Variants in DPP10 observed in about 807,000 individuals in gnomAD.
DPP10 encodes the protein dipeptidyl peptidase like 10.
A neutral mutation model predicts 120.9 loss-of-function variants in DPP10; 33 were observed. The observed-to-expected ratio is 0.27, with a 90% CI of 0.21 to 0.37. The LOEUF (loss-of-function observed/expected upper bound fraction) is 0.37, where lower values mean the gene tolerates loss of function less well. DPP10 is among the 10% of genes least tolerant of loss of function. The pLI, the probability that DPP10 is intolerant of heterozygous loss-of-function variation, is 1.00. For missense variants in DPP10, 816 were observed against 942.8 expected (o/e 0.87, Z 1.76); for synonymous variants, 337 against 326.1 (o/e 1.03, Z -0.36).
intron 12 of DPP10, among the ~76,000 whole-genome samples, chr2:115,766,277 A>ATT (rs1303441674): frequency 3.2e-5 from 3 of 92,606 alleles, no homozygotes; most frequent in Non-Finnish European, 7.1e-5. Flanking sequence ...AAAAATACTC[A>ATT]TTATATATAT....
At chr2:114,692,566 G>A (rs529449146) in intron 1 of DPP10, among the ~76,000 whole-genome samples, 38 of 152,242 alleles carry the variant, frequency 2.5e-4, no homozygotes, top group South Asian at 1.5e-3. Flanking sequence ...TTGTTTGGGG[G>A]TGGAGAGCTC....
chr2:115,579,844 G>A (rs542869784), intron 5 of DPP10: 3 of 152,248 alleles, frequency 2.0e-5, no homozygotes, highest in African/African-American at 7.2e-5. Flanking sequence ...TTCAGTGTAT[G>A]TATGTACAGG....
chr2:115,451,066 T>C (rs2073069291), intron 3 of DPP10, among the ~76,000 whole-genome samples: 1 of 151,838 alleles, frequency 6.6e-6, no homozygotes, highest in African/African-American at 2.4e-5. Flanking sequence ...AAGCACAAGA[T>C]AGGGATTTCT....
chr2:115,153,918 G>A (rs1159072020), intron 1 of DPP10, among the ~76,000 whole-genome samples: 1 of 151,840 alleles, frequency 6.6e-6, no homozygotes, highest in African/African-American at 2.4e-5. Flanking sequence ...TTATTTTCTT[G>A]CTATATTTGT....
In DPP10 at chr2:115,018,771, C is replaced by G. The variant is rs566398651; in HGVS notation, c.61-290468C>G. On this transcript the variant is annotated intron_variant, in intron 1 of 25. Transcript: ENST00000410059. ...AGAAATACCTAATGTAGATGATGGACTGATGGGTGCAGCAAACCACCATGG... is the reference window on the plus strand; with the variant it reads ...AGAAATACCTAATGTAGATGATGGAGTGATGGGTGCAGCAAACCACCATGG... 2.3e-3 allele frequency among the ~76,000 whole-genome samples: 357 copies of G among 152,200 alleles called. 2 individuals carry two copies. Among genetic ancestry groups the G allele is most frequent in the Non-Finnish European group, 4.2e-3 (285 of 68,006 alleles).
chr2:115,372,218 A>C (rs1171818397), intron 3 of DPP10, among the ~76,000 whole-genome samples: 1 of 152,210 alleles, frequency 6.6e-6, no homozygotes, highest in African/African-American at 2.4e-5. Context: ...AAAGGAGAAC[A>C]ACTTTAAAAA....
intron 1 of DPP10, among the ~76,000 whole-genome samples, chr2:115,154,127 T>C (rs1400941941): frequency 2.0e-5 from 3 of 152,200 alleles, no homozygotes; most frequent in Non-Finnish European, 4.4e-5. Context: ...CTAGAGGAAT[T>C]TAAGCTGTAT....
intron 1 of DPP10, among the ~76,000 whole-genome samples, chr2:115,275,958 C>G (rs538546736): frequency 1.3e-5 from 2 of 152,050 alleles, no homozygotes; most frequent in Admixed American, 6.5e-5. Context: ...GCCTCGGCCT[C>G]CCAAAGTGCT....
intron 3 of DPP10, among the ~76,000 whole-genome samples, chr2:115,488,902 A>G (rs2075930774): frequency 6.8e-6 from 1 of 146,202 alleles, no homozygotes; most frequent in Non-Finnish European, 1.5e-5. Flanking sequence ...AAAAAAAAAT[A>G]TGTATCTCTC....
At chr2:115,143,705 G>A (rs2280193) in intron 1 of DPP10, among the ~76,000 whole-genome samples, 8,423 of 152,220 alleles carry the variant, frequency 0.055, 345 homozygotes, top group East Asian at 0.23. Flanking sequence ...TAGACCTTAG[G>A]TCATTTGTAT....
chr2:114,841,583 G>A (rs1688161771), intron 1 of DPP10, among the ~76,000 whole-genome samples: 1 of 152,060 alleles, frequency 6.6e-6, no homozygotes, highest in Non-Finnish European at 1.5e-5. Context: ...GCCAAGTTAT[G>A]GATTAGAGTG....
intron 1 of DPP10, among the ~76,000 whole-genome samples, chr2:114,629,257 C>T (rs1323136250): frequency 6.6e-6 from 1 of 152,166 alleles, no homozygotes. Flanking sequence ...CAATTGTCAG[C>T]CTGCTTCTCT....
intron 1 of DPP10, among the ~76,000 whole-genome samples, chr2:114,877,849 A>T (rs1210730100): frequency 6.6e-6 from 1 of 151,932 alleles, no homozygotes; most frequent in Non-Finnish European, 1.5e-5. Flanking sequence ...GTTTAGAACC[A>T]TTCCTGGCCT....
chr2:115,815,246 A>G (rs1449992831), intron 20 of DPP10, among the ~76,000 whole-genome samples: 1 of 152,178 alleles, frequency 6.6e-6, no homozygotes, highest in Non-Finnish European at 1.5e-5. Context: ...TAATTATACC[A>G]CTATATTATT....
At chr2:115,472,871 C>G (rs2074823533) in intron 3 of DPP10, among the ~76,000 whole-genome samples, 1 of 152,124 alleles carries the variant, frequency 6.6e-6, no homozygotes, top group Non-Finnish European at 1.5e-5. Flanking sequence ...CTAAAAGATT[C>G]AAAACGCTTG....
intron 3 of DPP10, among the ~76,000 whole-genome samples, chr2:115,424,741 G>A (rs913726069): frequency 6.6e-6 from 1 of 152,132 alleles, no homozygotes; most frequent in African/African-American, 2.4e-5. Context: ...GTGTTTAAAT[G>A]ATGGAACATA....
At chr2:115,324,258 A>G (rs1456003710) in intron 2 of DPP10, among the ~76,000 whole-genome samples, 1 of 152,172 alleles carries the variant, frequency 6.6e-6, no homozygotes, top group East Asian at 1.9e-4. Flanking sequence ...CCTGGGTGAC[A>G]GAGCGACACT....
At position 114,987,709 on chromosome 2, in the gene DPP10, G is replaced by A. The variant is rs184064238; in HGVS notation, c.61-321530G>A. Among the ~76,000 whole-genome samples the A allele has an allele frequency of 2.3e-4, 34 of 151,108 alleles. 1 individual carries two copies. The East Asian group carries it at 5.3e-3, about 23-fold the overall frequency. On this transcript the variant is annotated intron_variant, in intron 1 of 25. Transcript: ENST00000410059. ...ATTAGTAGGAATGGCTATTCATTTC[G>A]CTCACGTGAAAAGTGTCAGAAATAT...
chr2:115,258,860 G>A (rs13011541), intron 1 of DPP10, among the ~76,000 whole-genome samples: 5,962 of 152,234 alleles, frequency 0.039, 218 homozygotes, highest in East Asian at 0.19. Context: ...CTGCACTCCA[G>A]CCTGGGCAAC....
Sources: allele counts gnomAD v4.1 joint callset (sites outside exome capture counted in the v4.1 genomes callset), GRCh38; gene constraint gnomAD v4.1.1; transcripts MANE v1.5; gene names NCBI Gene and HGNC (gene_info 2026-07-23, HGNC 2026-07-21).